The following DPP10 variants were observed in gnomAD, a reference collection of about 807,000 sequenced individuals.
DPP10 encodes the protein dipeptidyl peptidase like 10.
In DPP10, 33 loss-of-function variants were observed where a neutral mutation model predicts 120.9. That is an observed-to-expected ratio of 0.27 (90% CI 0.21 to 0.37). The LOEUF (loss-of-function observed/expected upper bound fraction) is 0.37. Among genes scored for constraint, DPP10 ranks in the 10% least tolerant of loss-of-function variants. The pLI is 1.00. For missense variants in DPP10, 816 were observed against 942.8 expected (o/e 0.87, Z 1.76); for synonymous variants, 337 against 326.1 (o/e 1.03, Z -0.36).
At chr2:115,084,788 T>C (rs1708558279) in intron 1 of DPP10, among the ~76,000 whole-genome samples, 2 of 152,170 alleles carry the variant, frequency 1.3e-5, no homozygotes, top group Admixed American at 6.5e-5. Context: ...TCACTTCTAA[T>C]AACGATTGTG....
intron 1 of DPP10, among the ~76,000 whole-genome samples, chr2:114,638,226 C>T (rs10172739): frequency 0.011 from 1,609 of 151,608 alleles, 69 homozygotes; most frequent in African/African-American, 0.037. Flanking sequence ...TAGGTATGTC[C>T]ATTTTTTTGC....
intron 1 of DPP10, chr2:114,461,768 C>T (rs927949726): frequency 5.1e-6 from 5 of 985,126 alleles, no homozygotes; most frequent in Admixed American, 6.2e-5. Flanking sequence ...TGCTGCCATC[C>T]GTAAATTGGA....
chr2:115,554,271 G>A (rs1019124771), intron 5 of DPP10, among the ~76,000 whole-genome samples: 5 of 151,602 alleles, frequency 3.3e-5, no homozygotes, highest in Admixed American at 1.3e-4. Context: ...CCTGTTTACT[G>A]TAAGGACAGC....
At chr2:115,554,280 G>A (rs1374875131) in intron 5 of DPP10, among the ~76,000 whole-genome samples, 2 of 151,698 alleles carry the variant, frequency 1.3e-5, no homozygotes, top group African/African-American at 2.4e-5. Flanking sequence ...TGTAAGGACA[G>A]CAAGCAGAGA....
At chr2:114,478,763 T>C (rs1195163570) in intron 1 of DPP10, among the ~76,000 whole-genome samples, 1 of 152,128 alleles carries the variant, frequency 6.6e-6, no homozygotes, top group Non-Finnish European at 1.5e-5. Flanking sequence ...CAAAATTTTA[T>C]TTTTTATACC....
intron 1 of DPP10, among the ~76,000 whole-genome samples, chr2:115,016,767 T>C (rs1023084185): frequency 2.0e-5 from 3 of 151,976 alleles, no homozygotes; most frequent in Non-Finnish European, 4.4e-5. Context: ...TGTATGTTTA[T>C]TGCGGCACTA....
chr2:114,869,550 C>T (rs1229714185), intron 1 of DPP10, among the ~76,000 whole-genome samples: 1 of 152,118 alleles, frequency 6.6e-6, no homozygotes, highest in Non-Finnish European at 1.5e-5. Flanking sequence ...AAGAGGGATC[C>T]TGAAAGGCAG....
At chr2:115,163,601 A>C (rs1245050326) in intron 1 of DPP10, among the ~76,000 whole-genome samples, 2 of 152,246 alleles carry the variant, frequency 1.3e-5, no homozygotes, top group East Asian at 3.9e-4. Context: ...TAGCAGATAT[A>C]GAAAAATAAT....
chr2:114,593,406 A>T (rs1691624939), intron 1 of DPP10, among the ~76,000 whole-genome samples: 1 of 152,040 alleles, frequency 6.6e-6, no homozygotes, highest in Admixed American at 6.6e-5. Context: ...CTCCACGAAG[A>T]GCTGTGAAAT....
intron 1 of DPP10, among the ~76,000 whole-genome samples, chr2:114,695,015 C>T (rs1441370505): frequency 6.6e-6 from 1 of 151,950 alleles, no homozygotes; most frequent in Non-Finnish European, 1.5e-5. Context: ...TCACGGAGGA[C>T]CTTGCCTAGT....
At chr2:115,056,010 A>G (rs1705875227) in intron 1 of DPP10, among the ~76,000 whole-genome samples, 1 of 152,260 alleles carries the variant, frequency 6.6e-6, no homozygotes, top group South Asian at 2.1e-4. Flanking sequence ...AAAGAATGCA[A>G]TAGTCATATC....
chr2:115,426,843 A>G (rs2070518235), intron 3 of DPP10, among the ~76,000 whole-genome samples: 2 of 152,226 alleles, frequency 1.3e-5, no homozygotes, highest in South Asian at 2.1e-4. Flanking sequence ...AACTCACTCA[A>G]GAGTTAATTC....
At position 115,523,417 on chromosome 2, in the gene DPP10, A is replaced by C. The variant is rs908491237; in HGVS notation, c.367-2481A>C. Among the ~76,000 whole-genome samples, 8 of 151,220 alleles carry C rather than the reference A, an allele frequency of 5.3e-5. No individual in the cohort carries two copies. In the South Asian group the frequency reaches 1.0e-3, roughly 20 times the overall value. On this transcript the variant is annotated intron_variant, in intron 4 of 25. Transcript: ENST00000410059. ...CTCTCAAAAAAAAAAAAAAAAAAAA[A>C]AAAAACCCTCCTGCTAGTGAGATAA...
intron 1 of DPP10, among the ~76,000 whole-genome samples, chr2:114,550,716 G>T (rs1336257791): frequency 6.6e-6 from 1 of 152,156 alleles, no homozygotes; most frequent in African/African-American, 2.4e-5. Flanking sequence ...GTCTTACTTG[G>T]TTTCTGTGAC....
intron 1 of DPP10, among the ~76,000 whole-genome samples, chr2:115,249,831 G>A (rs547573801): frequency 3.3e-5 from 5 of 152,136 alleles, no homozygotes; most frequent in Non-Finnish European, 7.4e-5. Flanking sequence ...CAGGAAGGCT[G>A]TTGTGGTGAA....
chr2:114,560,060 C>T (rs1009661602), intron 1 of DPP10, among the ~76,000 whole-genome samples: 3 of 152,134 alleles, frequency 2.0e-5, no homozygotes, highest in Non-Finnish European at 2.9e-5. Flanking sequence ...TCAGTGCTAA[C>T]TTTATTTAAT....
At chr2:115,821,734 A>T (rs1251912980) in intron 21 of DPP10, among the ~76,000 whole-genome samples, 1 of 151,784 alleles carries the variant, frequency 6.6e-6, no homozygotes, top group African/African-American at 2.4e-5. Context: ...TATATTGCTG[A>T]GAAGTATTGT....
At chr2:115,208,463 T>C (rs2056305180) in intron 1 of DPP10, among the ~76,000 whole-genome samples, 2 of 152,316 alleles carry the variant, frequency 1.3e-5, no homozygotes, top group East Asian at 1.9e-4. Flanking sequence ...TAATTATACA[T>C]TGCTAAAATG....
At chr2:114,598,043 A>G (rs761543855) in intron 1 of DPP10, among the ~76,000 whole-genome samples, 3 of 151,928 alleles carry the variant, frequency 2.0e-5, no homozygotes, top group Non-Finnish European at 2.9e-5. Context: ...AGGTAAATGA[A>G]ACTGGAATTA....
Sources: gnomAD v4.1 joint callset for allele counts (sites outside exome capture counted in the v4.1 genomes callset) on GRCh38, gnomAD v4.1.1 for gene constraint, MANE v1.5 for transcripts, NCBI Gene and HGNC (gene_info 2026-07-23, HGNC 2026-07-21) for gene names.